Variants in ZFAT observed in about 807,000 individuals in gnomAD.
ZFAT encodes zinc finger protein ZFAT.
A neutral mutation model predicts 117.7 loss-of-function variants in ZFAT; 64 were observed. The observed-to-expected ratio is 0.54, with a 90% CI of 0.44 to 0.67. The LOEUF is 0.67. ZFAT is among the 30% of genes least tolerant of loss of function. The probability of loss-of-function intolerance (pLI) is 0.00; values close to 1 mark genes in which losing one functional copy is unlikely to be tolerated. For missense variants in ZFAT, 1,433 were observed against 1,584.5 expected, an observed-to-expected ratio of 0.90 and a Z score of 1.62; for synonymous variants, 679 against 615.0, an observed-to-expected ratio of 1.10 and a Z score of -1.54.
chr8:134,757,939 TC>T, the ZFAT span, among the ~76,000 whole-genome samples: 3 of 152,208 alleles, frequency 2.0e-5, no homozygotes, highest in Admixed American at 6.5e-5. Context: ...ATCGATTTCT[TC>T]AACCCTTTCA....
the ZFAT span, among the ~76,000 whole-genome samples, chr8:134,777,522 G>GAGGT: frequency 2.0e-5 from 3 of 152,150 alleles, no homozygotes; most frequent in African/African-American, 7.2e-5. Context: ...TCTTAAAATG[G>GAGGT]AGGTAGCCTT....
At chr8:134,739,287 A>ATG in the ZFAT span, among the ~76,000 whole-genome samples, 365 of 150,498 alleles carry the variant, frequency 2.4e-3, 1 homozygote, top group Middle Eastern at 0.01. Context: ...GTGTGTAGAG[A>ATG]TGTGTGTGTG....
chr8:134,713,044 C>T, upstream of ZFAT: 1 of 654,686 alleles, frequency 1.5e-6, no homozygotes, highest in South Asian at 3.4e-5. Flanking sequence ...AGTCTTCGCC[C>T]TCCTCCCCAC....
At chr8:134,566,023 T>A (rs1824433931) in intron 10 of ZFAT, among the ~76,000 whole-genome samples, 1 of 151,976 alleles carries the variant, frequency 6.6e-6, no homozygotes, top group African/African-American at 2.4e-5. Flanking sequence ...CTCCTAACTC[T>A]GTTTGGAGTG....
At chr8:134,703,005 G>A (rs1198388888) in intron 1 of ZFAT, among the ~76,000 whole-genome samples, 1 of 152,126 alleles carries the variant, frequency 6.6e-6, no homozygotes, top group African/African-American at 2.4e-5. Context: ...ACCCAGTCTC[G>A]GGTATGTCTT....
At chr8:134,618,423 T>C (rs1828890963) in intron 3 of ZFAT, among the ~76,000 whole-genome samples, 1 of 152,168 alleles carries the variant, frequency 6.6e-6, no homozygotes, top group Admixed American at 6.5e-5. Context: ...ACACCCCTGG[T>C]TTCCAGTCTC....
chr8:134,627,870 CT>C (rs761094579), intron 3 of ZFAT, among the ~76,000 whole-genome samples: 8 of 152,194 alleles, frequency 5.3e-5, no homozygotes, highest in Non-Finnish European at 1.0e-4. Flanking sequence ...TGGCCCTGGA[CT>C]TTGGTAAAGA....
the ZFAT span, among the ~76,000 whole-genome samples, chr8:134,825,505 G>T: frequency 6.6e-4 from 100 of 152,304 alleles, no homozygotes; most frequent in African/African-American, 2.2e-3. Context: ...AAGGATCTCA[G>T]ATAGTTATTT....
Position 134,565,316 on chromosome 8 carries a change from C to T in ZFAT, c.2976+17G>A. ...TTTTTGTCTGAACATCTGCCTTCTT[C>T]TCCAGAGCCCTCTTACCTTGAAGGA... On this transcript the variant is annotated intron_variant, in intron 11 of 15. Transcript: ENST00000377838. 2 of 1,612,258 alleles carry T rather than the reference C, an allele frequency of 1.2e-6. No homozygotes were observed. Among genetic ancestry groups the T allele is most frequent in the Middle Eastern group, 1.7e-4 (1 of 6,040 alleles).
chr8:134,739,934 G>A, the ZFAT span, among the ~76,000 whole-genome samples: 1 of 152,242 alleles, frequency 6.6e-6, no homozygotes, highest in Non-Finnish European at 1.5e-5. Flanking sequence ...GCCTATGGAT[G>A]ACCATGGTGT....
chr8:134,571,484 T>C (rs1044108613), intron 10 of ZFAT, among the ~76,000 whole-genome samples: 1 of 152,216 alleles, frequency 6.6e-6, no homozygotes, highest in Non-Finnish European at 1.5e-5. Context: ...CTGCAACCAA[T>C]ATGAGTTTCT....
intron 2 of ZFAT, among the ~76,000 whole-genome samples, chr8:134,643,012 G>A (rs776307529): frequency 4.9e-4 from 74 of 152,324 alleles, no homozygotes; most frequent in Non-Finnish European, 8.7e-4. Flanking sequence ...CTTGCTCCTT[G>A]TACTTTTACC....
chr8:134,531,866 G>A (rs1327623247), intron 12 of ZFAT, among the ~76,000 whole-genome samples: 3 of 152,200 alleles, frequency 2.0e-5, no homozygotes, highest in Admixed American at 2.0e-4. Context: ...CTATTACAGC[G>A]AGCGGAGCTT....
intron 1 of ZFAT, among the ~76,000 whole-genome samples, chr8:134,680,730 A>G (rs962909381): frequency 6.6e-6 from 1 of 152,220 alleles, no homozygotes; most frequent in African/African-American, 2.4e-5. Flanking sequence ...AATAAAAAAA[A>G]AGTTCTAGAG....
chr8:134,602,310 G>C lies in ZFAT; in HGVS notation c.1409C>G (p.Ser470Cys), dbSNP rs112892337. Residue 470 changes from serine to cysteine, a missense_variant, in exon 6 of 16, where the codon TCC (serine) becomes TGC (cysteine). Transcript: ENST00000377838. ...CAVCRKKFVS[S>C]IRLRTHIKEV... ...TTTGATGTGGGTGCGCAGCCTGATG[G>C]AGCTGACGAACTTCTTGCGGCAGAC... 5,424 of 1,613,942 alleles carry C rather than the reference G, an allele frequency of 3.4e-3. 17 individuals carry two copies. Among genetic ancestry groups the C allele is most frequent in the Non-Finnish European group, 4.2e-3 (4,988 of 1,180,050 alleles).
the ZFAT span, among the ~76,000 whole-genome samples, chr8:134,759,913 G>A: frequency 1.1e-3 from 158 of 147,390 alleles, no homozygotes; most frequent in African/African-American, 3.7e-3. Context: ...GGAGGTTGCA[G>A]TGAGCCAAGA....
chr8:134,503,936 ACACGCACACGAACACACACACACC>A (rs1819188250), intron 15 of ZFAT, among the ~76,000 whole-genome samples: 2 of 145,026 alleles, frequency 1.4e-5, no homozygotes, highest in Admixed American at 1.4e-4. Flanking sequence ...ACACACACGC[ACACGCACACGAACACACACACACC>A]CCTATGAGTT....
the ZFAT span, among the ~76,000 whole-genome samples, chr8:134,801,725 G>A: frequency 1.3e-5 from 2 of 151,834 alleles, no homozygotes; most frequent in African/African-American, 4.8e-5. Flanking sequence ...TTTTTCTCTG[G>A]GAGAAAAAAT....
chr8:134,549,678 A>C (rs1194750202), intron 11 of ZFAT, among the ~76,000 whole-genome samples: 1 of 152,220 alleles, frequency 6.6e-6, no homozygotes, highest in African/African-American at 2.4e-5. Flanking sequence ...TACAAGATAC[A>C]TGGTGGTTCT....
Sources: allele counts gnomAD v4.1 joint callset (sites outside exome capture counted in the v4.1 genomes callset), GRCh38; gene constraint gnomAD v4.1.1; transcripts MANE v1.5; gene names NCBI Gene and HGNC (gene_info 2026-07-23, HGNC 2026-07-21).